The following NEBL variants were observed in gnomAD, a reference collection of about 807,000 sequenced individuals.
The protein encoded by NEBL is LIM and SH3 protein 2.
In NEBL, 122 loss-of-function variants were observed where a neutral mutation model predicts 140.2. The ratio of observed to expected loss-of-function variants is 0.87; its 90% CI spans 0.75 to 1.01. NEBL has a LOEUF of 1.01. NEBL is among the 50% of genes least tolerant of loss of function. The pLI is 0.00. For missense variants in NEBL, 1,365 were observed against 1,231.3 expected (o/e 1.11, Z -1.62); for synonymous variants, 436 against 398.9 (o/e 1.09, Z -1.11).
Position 20,809,901 on chromosome 10 carries a change from T to A in NEBL, c.2519-3A>T. On this transcript the variant is annotated splice_region_variant and splice_polypyrimidine_tract_variant and intron_variant, in intron 24 of 27. Transcript: ENST00000377122. ...ATCTGTGCGCCAAACTTTGAGGTCT[T>A]TTGCCAAAAGGAAGAAATCAACACT... 6.2e-7 allele frequency: 1 copy of A among 1,609,074 alleles called. No individual in the cohort carries two copies. Among genetic ancestry groups the A allele is most frequent in the Non-Finnish European group, 8.5e-7 (1 of 1,176,944 alleles).
intron 1 of NEBL, among the ~76,000 whole-genome samples, chr10:21,262,671 G>C (rs1314324052): frequency 2.6e-5 from 4 of 152,158 alleles, no homozygotes; most frequent in Non-Finnish European, 5.9e-5. Flanking sequence ...TCATTTCCAA[G>C]AGAAGGCCAG....
chr10:21,157,759 C>T (rs1444872675), intron 2 of NEBL, among the ~76,000 whole-genome samples: 2 of 152,050 alleles, frequency 1.3e-5, no homozygotes, highest in Non-Finnish European at 2.9e-5. Context: ...AGAGTCCTAA[C>T]CCCACAGACC....
At chr10:21,188,795 G>A (rs539834437) in intron 3 of NEBL, among the ~76,000 whole-genome samples, 29 of 151,782 alleles carry the variant, frequency 1.9e-4, no homozygotes, top group South Asian at 1.0e-3. Context: ...TCATCACGTC[G>A]GCCAGGCTGG....
chr10:20,883,161 C>T (rs982670325), intron 4 of NEBL, among the ~76,000 whole-genome samples: 1 of 152,188 alleles, frequency 6.6e-6, no homozygotes, highest in African/African-American at 2.4e-5. Context: ...CAGGTTATCA[C>T]CTCCCACATG....
intron 2 of NEBL, among the ~76,000 whole-genome samples, chr10:20,894,394 GC>G (rs1325167216): frequency 2.6e-5 from 4 of 151,798 alleles, no homozygotes; most frequent in African/African-American, 9.7e-5. Context: ...AATCACTTGA[GC>G]CCAGGAAATT....
At chr10:21,097,620 CA>C (rs1023002669) in intron 2 of NEBL, among the ~76,000 whole-genome samples, 1 of 152,132 alleles carries the variant, frequency 6.6e-6, no homozygotes, top group African/African-American at 2.4e-5. Flanking sequence ...TCATTACCCA[CA>C]AAAGATTTAC....
intron 2 of NEBL, among the ~76,000 whole-genome samples, chr10:21,086,830 A>C (rs968513682): frequency 8.5e-5 from 13 of 152,190 alleles, no homozygotes; most frequent in African/African-American, 2.9e-4. Context: ...TGAAACTAAA[A>C]ACCAATGACA....
At chr10:21,016,889 G>C (rs749444086) in intron 3 of NEBL, among the ~76,000 whole-genome samples, 1 of 152,170 alleles carries the variant, frequency 6.6e-6, no homozygotes, top group Non-Finnish European at 1.5e-5. Context: ...TATTCTTACA[G>C]AAGTGTTTTC....
intron 2 of NEBL, among the ~76,000 whole-genome samples, chr10:21,113,921 A>G (rs1461002037): frequency 6.6e-6 from 1 of 151,932 alleles, no homozygotes; most frequent in East Asian, 1.9e-4. Flanking sequence ...TTCTGCTCCT[A>G]TAGTTTATTA....
intron 13 of NEBL, among the ~76,000 whole-genome samples, chr10:20,837,311 T>C (rs1418239890): frequency 6.6e-6 from 1 of 152,176 alleles, no homozygotes; most frequent in African/African-American, 2.4e-5. Context: ...ATTGCTGATA[T>C]AGAGAAAGTT....
intron 3 of NEBL, among the ~76,000 whole-genome samples, chr10:21,008,541 T>G (rs1721077292): frequency 1.3e-5 from 2 of 152,002 alleles, no homozygotes; most frequent in Non-Finnish European, 2.9e-5. Context: ...AACAAACATA[T>G]GAAAAAATGC....
At chr10:20,868,801 T>C in intron 6 of NEBL, 36 bp from the exon 7 acceptor site, 1 of 1,411,210 alleles carries the variant, frequency 7.1e-7, no homozygotes, top group South Asian at 1.2e-5. Flanking sequence ...TAAATATTTC[T>C]ACCCTCCAAT....
rs553058072 is a variant in NEBL, at chr10:21,030,434, T to G, written c.165-10233A>C. Reference sequence around the variant, plus strand: ...TGAAACACTCAGTAAGGAGGAAGACTGTCACTCTCCAACTTCTAAATCTAC... The same window carrying G: ...TGAAACACTCAGTAAGGAGGAAGACGGTCACTCTCCAACTTCTAAATCTAC... On this transcript the variant is annotated intron_variant, in intron 2 of 6. Transcript: ENST00000417816. 1,154 of 652,954 alleles carry G rather than the reference T, an allele frequency of 1.8e-3. 7 individuals are homozygous for G. Among genetic ancestry groups the G allele is most frequent in the Middle Eastern group, 7.4e-3 (16 of 2,166 alleles). The allele number at this position is 652,954 out of a possible 1,614,324, so 40.4% of individuals were successfully genotyped here.
intron 2 of NEBL, among the ~76,000 whole-genome samples, chr10:21,089,121 T>C (rs1836788284): frequency 6.6e-6 from 1 of 151,998 alleles, no homozygotes; most frequent in Non-Finnish European, 1.5e-5. Context: ...GTGTGGGAAT[T>C]AAAGAAGAAG....
At chr10:21,115,805 C>T (rs1001798945) in intron 2 of NEBL, among the ~76,000 whole-genome samples, 1 of 151,888 alleles carries the variant, frequency 6.6e-6, no homozygotes, top group Non-Finnish European at 1.5e-5. Context: ...TGTTCCTTCC[C>T]AATCCGCTCT....
At position 20,828,120 on chromosome 10, in the gene NEBL, A is replaced by G. The variant is rs78191737; in HGVS notation, c.1776+410T>C. ...TGATGCAATTCCTCTTCCTCAAAATAAAAATATAGAAGTTTAGAAATTTAT... is the reference window on the plus strand; with the variant it reads ...TGATGCAATTCCTCTTCCTCAAAATGAAAATATAGAAGTTTAGAAATTTAT... On this transcript the variant is annotated intron_variant, in intron 17 of 27. Transcript: ENST00000377122. Among the ~76,000 whole-genome samples, 129 of 152,282 alleles carry G rather than the reference A, an allele frequency of 8.5e-4. 1 individual carries two copies. In the East Asian group the frequency reaches 0.01, roughly 12 times the overall value.
chr10:20,808,715 C>G, intron 25 of NEBL, 56 bp from the exon 26 acceptor site: 1 of 1,542,170 alleles, frequency 6.5e-7, no homozygotes, highest in African/African-American at 1.4e-5. Flanking sequence ...AAAACAAAAT[C>G]AACAAAAAAT....
intron 1 of NEBL, among the ~76,000 whole-genome samples, chr10:21,288,839 TATATATATATAAAA>T (rs1843102549): frequency 1.2e-5 from 1 of 86,574 alleles, no homozygotes; most frequent in Admixed American, 1.4e-4. Flanking sequence ...TATATATATA[TATATATATATAAAA>T]ATTTTTTTTT....
intron 2 of NEBL, chr10:21,125,921 G>A (rs1430474844): frequency 2.5e-6 from 4 of 1,613,986 alleles, no homozygotes; most frequent in Non-Finnish European, 3.4e-6. Flanking sequence ...ATACCTTCTG[G>A]TCCCAGAGAC....
Sources: allele counts gnomAD v4.1 joint callset (sites outside exome capture counted in the v4.1 genomes callset), GRCh38; gene constraint gnomAD v4.1.1; transcripts MANE v1.5; gene names NCBI Gene and HGNC (gene_info 2026-07-23, HGNC 2026-07-21).